Variants in PACRG observed in about 807,000 individuals in gnomAD.
The protein encoded by PACRG is parkin coregulated gene protein.
In PACRG, 29 loss-of-function variants were observed where a neutral mutation model predicts 29.7. That is an observed-to-expected ratio of 0.98 (90% CI 0.73 to 1.33). The LOEUF is 1.33. Ranked by LOEUF, PACRG falls within the 40% of genes most tolerant of loss-of-function variation. The pLI is 0.00. For missense variants in PACRG, 279 were observed against 316.2 expected (o/e 0.88, Z 0.89); for synonymous variants, 116 against 118.7 (o/e 0.98, Z 0.15).
Position 163,041,329 on chromosome 6 carries a change from T to A in PACRG, c.292-20821T>A, listed in dbSNP as rs989258452. On this transcript the variant is annotated intron_variant, in intron 2 of 4. Transcript: ENST00000366888. ...TCCAGCCTGGGTGACAGAGCAAGAC[T>A]CTGTCTCAAAAAAAAATAAAAATAA... Among the ~76,000 whole-genome samples, 3 of 151,656 alleles carry A rather than the reference T, an allele frequency of 2.0e-5. 1 individual carries two copies. Among genetic ancestry groups the A allele is most frequent in the Admixed American group, 6.6e-5 (1 of 15,222 alleles).
At chr6:162,973,424 G>T (rs1264168322) in intron 2 of PACRG, among the ~76,000 whole-genome samples, 1 of 152,196 alleles carries the variant, frequency 6.6e-6, no homozygotes, top group East Asian at 1.9e-4. Flanking sequence ...AGCTGTGACT[G>T]CAGCCCTTGC....
At chr6:162,899,695 TGAGGGCCTGAGCTACAG>T (rs1384217921) in intron 2 of PACRG, among the ~76,000 whole-genome samples, 1 of 152,096 alleles carries the variant, frequency 6.6e-6, no homozygotes, top group Non-Finnish European at 1.5e-5. Flanking sequence ...TGAAATGTAA[TGAGGGCCTGAGCTACAG>T]GAGTCACTTG....
chr6:162,772,678 T>C (rs1032243530), intron 1 of PACRG, among the ~76,000 whole-genome samples: 2 of 152,150 alleles, frequency 1.3e-5, no homozygotes, highest in Non-Finnish European at 2.9e-5. Flanking sequence ...TGAGGAGTTT[T>C]GTCTTAGGAT....
intron 2 of PACRG, among the ~76,000 whole-genome samples, chr6:162,837,462 G>T (rs1451909850): frequency 6.6e-6 from 1 of 152,040 alleles, no homozygotes; most frequent in Non-Finnish European, 1.5e-5. Context: ...ATCAAGAGGA[G>T]GGAGACATAA....
At chr6:162,877,939 G>A (rs984143014) in intron 2 of PACRG, among the ~76,000 whole-genome samples, 1 of 152,160 alleles carries the variant, frequency 6.6e-6, no homozygotes, top group Non-Finnish European at 1.5e-5. Flanking sequence ...GGTCACCATG[G>A]TAACTAAGTT....
chr6:163,276,728 G>A (rs1019303339), intron 4 of PACRG, among the ~76,000 whole-genome samples: 1 of 152,188 alleles, frequency 6.6e-6, no homozygotes, highest in Non-Finnish European at 1.5e-5. Context: ...ATGAGCTTGA[G>A]GGAGCCCTTT....
intron 2 of PACRG, among the ~76,000 whole-genome samples, chr6:163,048,226 AAAT>A (rs139488386): frequency 0.022 from 3,328 of 152,320 alleles, 136 homozygotes; most frequent in African/African-American, 0.077. Flanking sequence ...GGTTGAATAA[AAAT>A]AATAACTTTC....
chr6:162,844,528 C>A (rs569033899), intron 2 of PACRG, among the ~76,000 whole-genome samples: 10 of 152,192 alleles, frequency 6.6e-5, no homozygotes, highest in African/African-American at 2.4e-4. Context: ...CCGGTACCTC[C>A]GATGGAAATG....
chr6:163,005,781 G>A (rs10945871), intron 2 of PACRG, among the ~76,000 whole-genome samples: 75,897 of 145,962 alleles, frequency 0.52, 21,796 homozygotes, highest in African/African-American at 0.77. Flanking sequence ...TATATAAAAC[G>A]TAGTTATACA....
At chr6:163,159,609 C>T (rs773871324) in intron 4 of PACRG, among the ~76,000 whole-genome samples, 20 of 151,970 alleles carry the variant, frequency 1.3e-4, no homozygotes, top group Non-Finnish European at 2.2e-4. Context: ...ATATAATGAG[C>T]GTTCTGGTAA....
At chr6:162,792,164 T>TACGGTTG (rs1230349736) in intron 1 of PACRG, among the ~76,000 whole-genome samples, 1 of 152,072 alleles carries the variant, frequency 6.6e-6, no homozygotes, top group Non-Finnish European at 1.5e-5. Flanking sequence ...GGCCTCAGCA[T>TACGGTTG]ACGGTTGACA....
intron 2 of PACRG, among the ~76,000 whole-genome samples, chr6:162,856,593 G>GA (rs10708507): frequency 6.6e-6 from 1 of 151,774 alleles, no homozygotes; most frequent in African/African-American, 2.4e-5. Context: ...ACGTCTCGAA[G>GA]AAAAAAATCT....
chr6:162,810,451 A>G (rs1247513806), intron 1 of PACRG, among the ~76,000 whole-genome samples: 2 of 152,360 alleles, frequency 1.3e-5, no homozygotes, highest in South Asian at 2.1e-4. Flanking sequence ...TAAAAATATA[A>G]TCAACAGGTG....
intron 2 of PACRG, among the ~76,000 whole-genome samples, chr6:162,936,264 C>T (rs1206080338): frequency 6.6e-6 from 1 of 152,146 alleles, no homozygotes; most frequent in Non-Finnish European, 1.5e-5. Context: ...ATGGGAGCTA[C>T]AATTCAAGAT....
chr6:163,297,854 CT>C (rs965830332), intron 4 of PACRG, among the ~76,000 whole-genome samples: 14 of 152,120 alleles, frequency 9.2e-5, no homozygotes, highest in Non-Finnish European at 1.9e-4. Flanking sequence ...GTAAAGCAAG[CT>C]TTTTAGAAAC....
chr6:163,144,287 A>T (rs1777695230), intron 4 of PACRG, among the ~76,000 whole-genome samples: 1 of 151,044 alleles, frequency 6.6e-6, no homozygotes. Context: ...CTGACCATGC[A>T]CTCACTCCAT....
At chr6:162,843,882 T>TG (rs1554290182) in intron 2 of PACRG, among the ~76,000 whole-genome samples, 2 of 55,758 alleles carry the variant, frequency 3.6e-5, no homozygotes, top group Non-Finnish European at 3.6e-5. Context: ...GTGCCCCTGC[T>TG]GGGGGGTGCC....
intron 2 of PACRG, among the ~76,000 whole-genome samples, chr6:162,862,388 G>A (rs768324272): frequency 5.3e-5 from 8 of 152,292 alleles, no homozygotes; most frequent in South Asian, 2.1e-4. Flanking sequence ...GAGGGGAAGC[G>A]TCTTTGTTTA....
At chr6:163,111,094 C>T (rs1328411118) in intron 4 of PACRG, among the ~76,000 whole-genome samples, 1 of 150,844 alleles carries the variant, frequency 6.6e-6, no homozygotes, top group Admixed American at 6.6e-5. Flanking sequence ...TCAAGCAATT[C>T]ATTCCTATTT....
Sources: gnomAD v4.1 joint callset for allele counts (sites outside exome capture counted in the v4.1 genomes callset) on GRCh38, gnomAD v4.1.1 for gene constraint, MANE v1.5 for transcripts, NCBI Gene and HGNC (gene_info 2026-07-23, HGNC 2026-07-21) for gene names.